Variants in SH3PXD2A observed in about 807,000 individuals in gnomAD.
SH3PXD2A encodes SH3 and PX domains 2A, also known as SH3 and PX domain-containing protein 2A.
In SH3PXD2A, 32 loss-of-function variants were observed where a neutral mutation model predicts 115.2. The ratio of observed to expected loss-of-function variants is 0.28; its 90% CI spans 0.21 to 0.37. The LOEUF (loss-of-function observed/expected upper bound fraction) is 0.37, where lower values mean the gene tolerates loss of function less well. Among genes scored for constraint, SH3PXD2A ranks in the 10% least tolerant of loss-of-function variants. The pLI is 1.00. For missense variants in SH3PXD2A, 1,328 were observed against 1,498.7 expected (o/e 0.89, Z 1.88); for synonymous variants, 610 against 629.1 (o/e 0.97, Z 0.45).
chr10:103,643,326 C>T (rs1049013007), intron 8 of SH3PXD2A, among the ~76,000 whole-genome samples: 1 of 152,210 alleles, frequency 6.6e-6, no homozygotes, highest in African/African-American at 2.4e-5. Context: ...CCAAGCCCTC[C>T]GGCCAGGTGA....
At chr10:103,688,660 G>T (rs908875786) in intron 6 of SH3PXD2A, among the ~76,000 whole-genome samples, 3 of 152,178 alleles carry the variant, frequency 2.0e-5, no homozygotes, top group Admixed American at 6.5e-5. Context: ...GGAGCAGAAG[G>T]TGACTGGTGT....
In SH3PXD2A at chr10:103,716,663, G is replaced by A. The variant is rs181092345; in HGVS notation, c.398+7607C>T. ...TAAGAGGTGGGCTGGTAAGGCCAGTGGGCTGGTAAGAGGCCCAAGAAGAAA... is the reference window on the plus strand; with the variant it reads ...TAAGAGGTGGGCTGGTAAGGCCAGTAGGCTGGTAAGAGGCCCAAGAAGAAA... On this transcript the variant is annotated intron_variant, in intron 5 of 14. Coordinates refer to ENST00000369774, the MANE Select transcript of SH3PXD2A (RefSeq NM_001394015.1). 2.5e-3 allele frequency among the ~76,000 whole-genome samples: 377 copies of A among 152,274 alleles called. 2 individuals are homozygous for A. Among genetic ancestry groups the A allele is most frequent in the Non-Finnish European group, 4.0e-3 (270 of 68,006 alleles).
At chr10:103,739,830 C>T (rs992130907) in intron 3 of SH3PXD2A, among the ~76,000 whole-genome samples, 1 of 152,210 alleles carries the variant, frequency 6.6e-6, no homozygotes, top group African/African-American at 2.4e-5. Context: ...TAAGCAGTAA[C>T]TGGAGGTCCT....
chr10:103,854,554 A>C (rs1312637293), intron 1 of SH3PXD2A, among the ~76,000 whole-genome samples: 1 of 152,100 alleles, frequency 6.6e-6, no homozygotes, highest in African/African-American at 2.4e-5. Context: ...ATGGAGCATC[A>C]CTTAAGAGGA....
intron 5 of SH3PXD2A, among the ~76,000 whole-genome samples, chr10:103,715,076 C>A: frequency 6.6e-6 from 1 of 152,220 alleles, no homozygotes. Flanking sequence ...GCTCGGCCAA[C>A]CCAATTCCAT....
chr10:103,781,405 C>T (rs184985028), intron 2 of SH3PXD2A, among the ~76,000 whole-genome samples: 6 of 152,308 alleles, frequency 3.9e-5, no homozygotes, highest in Admixed American at 6.5e-5. Flanking sequence ...AGGATGGGGT[C>T]ACCAGCTGGG....
intron 1 of SH3PXD2A, among the ~76,000 whole-genome samples, chr10:103,810,551 G>A (rs146181213): frequency 4.6e-5 from 7 of 152,270 alleles, no homozygotes; most frequent in East Asian, 3.9e-4. Flanking sequence ...TCCCTGCTAC[G>A]TGGGCTTAGG....
intron 1 of SH3PXD2A, among the ~76,000 whole-genome samples, chr10:103,820,072 C>T (rs1202085293): frequency 6.6e-6 from 1 of 152,084 alleles, no homozygotes; most frequent in Admixed American, 6.6e-5. Flanking sequence ...ATGCAGGGAG[C>T]GTTAGCGACT....
chr10:103,613,295 C>T, intron 11 of SH3PXD2A, 105 bp from the exon 12 acceptor site: 1 of 854,952 alleles, frequency 1.2e-6, no homozygotes, highest in Non-Finnish European at 1.8e-6. Context: ...CCTTCCCTAC[C>T]ATGTTCTGCA....
intron 8 of SH3PXD2A, among the ~76,000 whole-genome samples, chr10:103,651,673 C>T (rs985779543): frequency 6.6e-6 from 1 of 152,196 alleles, no homozygotes; most frequent in African/African-American, 2.4e-5. Context: ...CTGCCTCTTG[C>T]CAAGATGTTT....
intron 3 of SH3PXD2A, among the ~76,000 whole-genome samples, chr10:103,763,907 C>G (rs532812182): frequency 4.5e-4 from 69 of 152,350 alleles, no homozygotes; most frequent in Admixed American, 1.3e-3. Flanking sequence ...CCCGTGGGAT[C>G]AGGCAGAGGC....
chr10:103,774,135 A>G (rs1006651777), intron 2 of SH3PXD2A, among the ~76,000 whole-genome samples: 1 of 152,368 alleles, frequency 6.6e-6, no homozygotes, highest in South Asian at 2.1e-4. Context: ...CATTTAAAAA[A>G]AAGTTTTGTT....
chr10:103,711,705 C>T (rs1156651028), intron 5 of SH3PXD2A, among the ~76,000 whole-genome samples: 1 of 152,190 alleles, frequency 6.6e-6, no homozygotes, highest in Admixed American at 6.5e-5. Context: ...CACACAGGAG[C>T]AGAGGGAAGG....
At chr10:103,689,733 G>A (rs934864951) in intron 6 of SH3PXD2A, among the ~76,000 whole-genome samples, 4 of 152,036 alleles carry the variant, frequency 2.6e-5, no homozygotes, top group African/African-American at 9.7e-5. Context: ...GATGGTGCCA[G>A]TTCCTGAGAT....
chr10:103,758,237 T>A (rs540563020), intron 3 of SH3PXD2A, among the ~76,000 whole-genome samples: 1 of 152,326 alleles, frequency 6.6e-6, no homozygotes, highest in South Asian at 2.1e-4. Context: ...CACACACTTC[T>A]TACTGTTCTT....
intron 3 of SH3PXD2A, among the ~76,000 whole-genome samples, chr10:103,748,151 T>C (rs2038529441): frequency 6.6e-6 from 1 of 152,218 alleles, no homozygotes; most frequent in Non-Finnish European, 1.5e-5. Flanking sequence ...ATATTTATTA[T>C]GACAGTTGAT....
At position 103,812,535 on chromosome 10, in the gene SH3PXD2A, T is replaced by C. The variant is rs577521049; in HGVS notation, c.73-11173A>G. ...GATTCTCATTCCACACACTCCCAAA[T>C]CAATGACTGACCCAGGCCTACTGAC... On this transcript the variant is annotated intron_variant, in intron 1 of 14. Transcript: ENST00000369774. Among the ~76,000 whole-genome samples, 4 of 152,180 alleles carry C rather than the reference T, an allele frequency of 2.6e-5. No individual in the cohort carries two copies. The South Asian group carries it at 8.3e-4, about 32-fold the overall frequency.
At chr10:103,728,876 G>GTTTTTT (rs11399791) in intron 4 of SH3PXD2A, among the ~76,000 whole-genome samples, 18 of 142,704 alleles carry the variant, frequency 1.3e-4, no homozygotes, top group African/African-American at 4.5e-4. Context: ...GCAAAGAGTT[G>GTTTTTT]TTTTTTTTGT....
chr10:103,617,696 G>A (rs1199732309), intron 10 of SH3PXD2A, among the ~76,000 whole-genome samples: 3 of 152,212 alleles, frequency 2.0e-5, no homozygotes, highest in Admixed American at 6.5e-5. Context: ...CTCATGAGGT[G>A]TCCTTGCATG....
Sources: allele counts gnomAD v4.1 joint callset (sites outside exome capture counted in the v4.1 genomes callset), GRCh38; gene constraint gnomAD v4.1.1; transcripts MANE v1.5; gene names NCBI Gene and HGNC (gene_info 2026-07-23, HGNC 2026-07-21).